Variants in SEMA5A observed in about 807,000 individuals in gnomAD.
SEMA5A encodes the protein semaphorin 5A.
A neutral mutation model predicts 135.5 loss-of-function variants in SEMA5A; 55 were observed. The ratio of observed to expected loss-of-function variants is 0.41; its 90% CI spans 0.33 to 0.51. The LOEUF (loss-of-function observed/expected upper bound fraction) is 0.51, where lower values mean the gene tolerates loss of function less well. SEMA5A is among the 20% of genes least tolerant of loss of function. SEMA5A has a pLI of 0.37. For synonymous variants in SEMA5A, 580 were observed against 546.5 expected, an observed-to-expected ratio of 1.06 and a Z score of -0.85; for missense variants, 1,290 against 1,419.9, an observed-to-expected ratio of 0.91 and a Z score of 1.47.
intron 8 of SEMA5A, among the ~76,000 whole-genome samples, chr5:9,219,389 C>A (rs1386486159): frequency 6.6e-6 from 1 of 152,108 alleles, no homozygotes; most frequent in Non-Finnish European, 1.5e-5. Flanking sequence ...AGAGGTGAAA[C>A]ATGGAGCCTG....
chr5:9,362,069 C>T (rs1232970342), intron 3 of SEMA5A, among the ~76,000 whole-genome samples: 2 of 152,114 alleles, frequency 1.3e-5, no homozygotes, highest in African/African-American at 4.8e-5. Flanking sequence ...CAATGTCCAC[C>T]CACAGCCATC....
At chr5:9,495,004 A>G (rs1257684337) in intron 1 of SEMA5A, among the ~76,000 whole-genome samples, 1 of 152,238 alleles carries the variant, frequency 6.6e-6, no homozygotes, top group Admixed American at 6.5e-5. Context: ...TTCTGAAATT[A>G]CAACTAGAAA....
intron 13 of SEMA5A, among the ~76,000 whole-genome samples, chr5:9,136,178 G>A (rs914064389): frequency 2.0e-5 from 3 of 151,914 alleles, no homozygotes; most frequent in Non-Finnish European, 4.4e-5. Flanking sequence ...TTTTATTAGC[G>A]CTGTAAGGGG....
At position 9,540,202 on chromosome 5, in the gene SEMA5A, C is replaced by T. The variant is rs189022593; in HGVS notation, c.-175+5382G>A. On this transcript the variant is annotated intron_variant, in intron 1 of 22. Transcript: ENST00000382496. The stretch of plus-strand genomic sequence containing the variant: ...CTAGGCAGCGTGGGCAACACAGCTG[C>T]GAACAAAACAGTCTCATTGGTCTCC... Among the ~76,000 whole-genome samples the T allele has an allele frequency of 3.4e-3, 515 of 152,224 alleles. 3 individuals carry two copies. The highest frequency in any genetic ancestry group is 0.011 in the African/African-American group (439 of 41,536).
intron 16 of SEMA5A, among the ~76,000 whole-genome samples, chr5:9,072,088 C>G (rs1006701719): frequency 6.6e-6 from 1 of 152,088 alleles, no homozygotes; most frequent in East Asian, 1.9e-4. Context: ...CTGTTTCCCA[C>G]CAATATGGAG....
At chr5:9,223,873 G>A (rs1308180705) in intron 8 of SEMA5A, among the ~76,000 whole-genome samples, 1 of 152,138 alleles carries the variant, frequency 6.6e-6, no homozygotes, top group Non-Finnish European at 1.5e-5. Flanking sequence ...TTGGATGGTT[G>A]TCACCATCTT....
At position 9,054,176 on chromosome 5, in the gene SEMA5A, G is replaced by C. The variant is rs941474852; in HGVS notation, c.2600C>G (p.Ser867Cys). ...ATAGGCCGGGGCTGGATTGGAGCAA[G>C]AGCGGGTCCTCATATAGTGTCCACC... ...CGGGHYMRTRSCSNPAPAYGG... is the reference protein window; with the variant it reads ...CGGGHYMRTRCCSNPAPAYGG... Residue 867 changes from serine to cysteine, a missense_variant, in exon 19 of 23, where the codon TCT (serine) becomes TGT (cysteine). Physicochemically the swap from Ser to Cys is moderately radical, Grantham distance 112. This residue lies in a region of SEMA5A where 1,029 missense variants were observed against 1,086.6 expected (regional missense o/e 0.95). Transcript: ENST00000382496. 3 of 1,613,922 alleles carry C rather than the reference G, an allele frequency of 1.9e-6. No homozygotes were observed. Among genetic ancestry groups the C allele is most frequent in the African/African-American group, 2.7e-5 (2 of 74,900 alleles).
chr5:9,414,628 C>T (rs1342636757), intron 2 of SEMA5A, among the ~76,000 whole-genome samples: 1 of 152,164 alleles, frequency 6.6e-6, no homozygotes, highest in Non-Finnish European at 1.5e-5. Flanking sequence ...AAGAAACTCA[C>T]CCAAAACATT....
At chr5:9,248,757 G>A (rs1748613141) in intron 5 of SEMA5A, among the ~76,000 whole-genome samples, 1 of 152,102 alleles carries the variant, frequency 6.6e-6, no homozygotes, top group Admixed American at 6.5e-5. Context: ...GGAGCCTCAA[G>A]TCAAGGAGGC....
At chr5:9,526,712 G>A (rs1426216315) in intron 1 of SEMA5A, among the ~76,000 whole-genome samples, 2 of 152,128 alleles carry the variant, frequency 1.3e-5, no homozygotes, top group African/African-American at 2.4e-5. Context: ...TTTTGCTGGT[G>A]GCCAGTGAGA....
chr5:9,171,778 C>T (rs1323801203), intron 11 of SEMA5A, among the ~76,000 whole-genome samples: 1 of 152,092 alleles, frequency 6.6e-6, no homozygotes, highest in Non-Finnish European at 1.5e-5. Flanking sequence ...GGCAAGGGTT[C>T]CAGTCAGACA....
intron 13 of SEMA5A, among the ~76,000 whole-genome samples, chr5:9,131,805 G>C (rs1741450091): frequency 6.6e-6 from 1 of 151,914 alleles, no homozygotes; most frequent in African/African-American, 2.4e-5. Flanking sequence ...CATCATATTT[G>C]TGGGGAGTGA....
chr5:9,042,762 G>A lies in SEMA5A; in HGVS notation c.*135C>T. 5 of 1,029,120 alleles carry A rather than the reference G, an allele frequency of 4.9e-6. No homozygotes were observed. Among genetic ancestry groups the A allele is most frequent in the Non-Finnish European group, 5.8e-6 (4 of 693,284 alleles). 63.7% of individuals were successfully genotyped at this position (1,029,120 alleles called of 1,614,324 possible). On this transcript the variant is annotated 3_prime_UTR_variant, in exon 23 of 23. Coordinates refer to ENST00000382496, the MANE Select transcript of SEMA5A (RefSeq NM_003966.3). ...AAAGACGTGTATTTTTGGCAGCAATGGGACACTCTGGTGGCTTGAAATGCA... is the reference window on the plus strand; with the variant it reads ...AAAGACGTGTATTTTTGGCAGCAATAGGACACTCTGGTGGCTTGAAATGCA...
intron 5 of SEMA5A, among the ~76,000 whole-genome samples, chr5:9,309,488 A>G (rs938615276): frequency 6.6e-6 from 1 of 152,066 alleles, no homozygotes; most frequent in Non-Finnish European, 1.5e-5. Flanking sequence ...GGCACAAGGG[A>G]TGCACTTCCT....
chr5:9,192,253 C>T (rs1199601357), intron 10 of SEMA5A, among the ~76,000 whole-genome samples: 1 of 152,370 alleles, frequency 6.6e-6, no homozygotes, highest in Non-Finnish European at 1.5e-5. Flanking sequence ...GGTGAGGTCT[C>T]GCCTCTCAGT....
In SEMA5A at chr5:9,117,624, A is replaced by T. The variant is rs370523963; in HGVS notation, c.1925+1374T>A. Among the ~76,000 whole-genome samples the T allele has an allele frequency of 2.4e-4, 37 of 152,336 alleles. No individual in the cohort carries two copies. The South Asian group carries it at 7.7e-3, about 32-fold the overall frequency. On this transcript the variant is annotated intron_variant, in intron 15 of 22. Coordinates refer to ENST00000382496, the MANE Select transcript of SEMA5A (RefSeq NM_003966.3). Reference sequence around the variant, plus strand: ...GCATTTTGACGGCAAAAGTCAAAAAACCGTGTGGAAATTTCCACTTGTGGC... The same window carrying T: ...GCATTTTGACGGCAAAAGTCAAAAATCCGTGTGGAAATTTCCACTTGTGGC...
intron 1 of SEMA5A, among the ~76,000 whole-genome samples, chr5:9,478,215 C>T (rs1759743764): frequency 1.3e-5 from 2 of 152,216 alleles, no homozygotes; most frequent in Admixed American, 1.3e-4. Flanking sequence ...TGTATGGAAA[C>T]ACCTGGATGT....
At chr5:9,070,022 G>T (rs777578733) in intron 16 of SEMA5A, among the ~76,000 whole-genome samples, 2 of 152,042 alleles carry the variant, frequency 1.3e-5, no homozygotes, top group Non-Finnish European at 2.9e-5. Flanking sequence ...CCCTCACTCC[G>T]AGCCAGCCTG....
chr5:9,329,537 A>T (rs1753024958), intron 4 of SEMA5A, among the ~76,000 whole-genome samples: 2 of 152,250 alleles, frequency 1.3e-5, no homozygotes. Flanking sequence ...AGTAGGTTCA[A>T]TAAATATTTG....
Sources: allele counts gnomAD v4.1 joint callset (sites outside exome capture counted in the v4.1 genomes callset), GRCh38; gene constraint gnomAD v4.1.1; regional missense constraint gnomAD v4.1.1; transcripts MANE v1.5; gene names NCBI Gene and HGNC (gene_info 2026-07-23, HGNC 2026-07-21).